Variants in CNTN4 observed in about 807,000 individuals in gnomAD.
CNTN4 encodes contactin 4, also known as contactin-4.
Under a neutral mutation model 122.5 loss-of-function variants are expected in CNTN4, and 77 were observed. The ratio of observed to expected loss-of-function variants is 0.63; its 90% confidence interval spans 0.52 to 0.76. The LOEUF is 0.76. CNTN4 is among the 30% of genes least tolerant of loss of function. CNTN4 has a pLI of 0.00. For missense variants in CNTN4, 1,256 were observed against 1,259.1 expected, an observed-to-expected ratio of 1.00 and a Z score of 0.04; for synonymous variants, 512 against 447.0, an observed-to-expected ratio of 1.15 and a Z score of -1.83.
intron 2 of CNTN4, among the ~76,000 whole-genome samples, chr3:2,268,905 TTA>T (rs1559396395): frequency 6.6e-6 from 1 of 152,128 alleles, no homozygotes; most frequent in Non-Finnish European, 1.5e-5. Context: ...CTCCTCCTTT[TTA>T]TATATGTGGG....
At chr3:2,501,928 A>C (rs752165059) in intron 3 of CNTN4, among the ~76,000 whole-genome samples, 1 of 152,184 alleles carries the variant, frequency 6.6e-6, no homozygotes, top group Non-Finnish European at 1.5e-5. Flanking sequence ...CAGTGTACAC[A>C]AACTTCATTT....
At chr3:2,486,567 C>T (rs925139629) in intron 3 of CNTN4, among the ~76,000 whole-genome samples, 7 of 152,124 alleles carry the variant, frequency 4.6e-5, no homozygotes, top group Admixed American at 4.6e-4. Flanking sequence ...TACTGTGTTA[C>T]CCCCCGGATT....
intron 2 of CNTN4, among the ~76,000 whole-genome samples, chr3:2,328,705 A>T (rs2043582422): frequency 6.6e-6 from 1 of 152,184 alleles, no homozygotes; most frequent in African/African-American, 2.4e-5. Flanking sequence ...GTTAAAATAC[A>T]GTATAAAATC....
At chr3:2,821,823 T>C (rs1480576491) in intron 7 of CNTN4, among the ~76,000 whole-genome samples, 3 of 152,234 alleles carry the variant, frequency 2.0e-5, no homozygotes, top group Non-Finnish European at 4.4e-5. Context: ...CAATATCTGC[T>C]ATTCTTGTTA....
chr3:2,437,103 C>CT (rs1242988405), intron 3 of CNTN4, among the ~76,000 whole-genome samples: 1 of 152,044 alleles, frequency 6.6e-6, no homozygotes, highest in East Asian at 1.9e-4. Context: ...TCATCTTGAA[C>CT]TTTTTTTCTG....
chr3:2,294,645 CA>C (rs1458198846), intron 2 of CNTN4, among the ~76,000 whole-genome samples: 1 of 151,764 alleles, frequency 6.6e-6, no homozygotes, highest in Non-Finnish European at 1.5e-5. Context: ...ACAACAACAA[CA>C]AAAAAGAATA....
At chr3:2,523,367 A>AC (rs1014755847) in intron 3 of CNTN4, among the ~76,000 whole-genome samples, 5 of 143,258 alleles carry the variant, frequency 3.5e-5, no homozygotes, top group Non-Finnish European at 6.3e-5. Flanking sequence ...AAAAAAAAAA[A>AC]AAAAACAAAA....
At chr3:2,346,290 C>T (rs550873747) in intron 3 of CNTN4, among the ~76,000 whole-genome samples, 14 of 152,142 alleles carry the variant, frequency 9.2e-5, no homozygotes, top group Non-Finnish European at 1.8e-4. Flanking sequence ...CCAAATAAAA[C>T]CTAAAATTCT....
chr3:2,227,472 A>G (rs1235876069), intron 2 of CNTN4, among the ~76,000 whole-genome samples: 2 of 152,284 alleles, frequency 1.3e-5, no homozygotes, highest in Admixed American at 6.5e-5. Context: ...CATTAAAAGC[A>G]TAAGGTATGA....
intron 2 of CNTN4, among the ~76,000 whole-genome samples, chr3:2,266,794 A>T (rs2041068567): frequency 6.6e-6 from 1 of 152,124 alleles, no homozygotes; most frequent in Non-Finnish European, 1.5e-5. Context: ...GGAAGGTGAC[A>T]GTCAACAGCA....
chr3:2,252,794 C>A (rs2040427120), intron 2 of CNTN4, among the ~76,000 whole-genome samples: 1 of 152,044 alleles, frequency 6.6e-6, no homozygotes, highest in African/African-American at 2.4e-5. Flanking sequence ...ACATTTGGTT[C>A]TTTCTGAAAT....
At chr3:2,857,257 C>G (rs1215160697) in intron 7 of CNTN4, among the ~76,000 whole-genome samples, 1 of 152,192 alleles carries the variant, frequency 6.6e-6, no homozygotes. Context: ...GGGCATTGAA[C>G]TTTGATAGTT....
At chr3:2,478,803 T>C (rs576383347) in intron 3 of CNTN4, among the ~76,000 whole-genome samples, 52 of 152,334 alleles carry the variant, frequency 3.4e-4, no homozygotes, top group Admixed American at 2.9e-3. Flanking sequence ...ATGGTGTATA[T>C]ATACCACATT....
At chr3:2,701,390 CA>C (rs748280022) in intron 4 of CNTN4, among the ~76,000 whole-genome samples, 36 of 152,146 alleles carry the variant, frequency 2.4e-4, no homozygotes, top group South Asian at 6.2e-4. Flanking sequence ...AGGGAGAAGA[CA>C]TAAGTGAGGA....
intron 2 of CNTN4, among the ~76,000 whole-genome samples, chr3:2,126,587 G>C (rs2034182498): frequency 6.6e-6 from 1 of 152,186 alleles, no homozygotes; most frequent in Non-Finnish European, 1.5e-5. Context: ...CCCTGTGCTT[G>C]ATGGTGTTAG....
At chr3:2,755,595 G>A (rs1170544724) in intron 6 of CNTN4, among the ~76,000 whole-genome samples, 1 of 152,130 alleles carries the variant, frequency 6.6e-6, no homozygotes, top group African/African-American at 2.4e-5. Flanking sequence ...TAAATCTTAG[G>A]AGCTATTAAA....
intron 6 of CNTN4, among the ~76,000 whole-genome samples, chr3:2,747,476 AT>A (rs956656127): frequency 1.8e-4 from 6 of 33,134 alleles, no homozygotes; most frequent in Non-Finnish European, 1.2e-3. Context: ...GACAGCTTAC[AT>A]TTAAAAAAAA....
chr3:2,518,599 C>G (rs144027170), intron 3 of CNTN4, among the ~76,000 whole-genome samples: 2 of 152,106 alleles, frequency 1.3e-5, no homozygotes, highest in African/African-American at 4.8e-5. Flanking sequence ...GTTTGATAAT[C>G]TCAGAGTACT....
chr3:2,436,004 C>A (rs558720139), intron 3 of CNTN4, among the ~76,000 whole-genome samples: 1 of 152,252 alleles, frequency 6.6e-6, no homozygotes, highest in African/African-American at 2.4e-5. Context: ...CTATTAGAGG[C>A]AAAAGCTAGA....
Sources: allele counts gnomAD v4.1 joint callset (sites outside exome capture counted in the v4.1 genomes callset), GRCh38; gene constraint gnomAD v4.1.1; transcripts MANE v1.5; gene names NCBI Gene and HGNC (gene_info 2026-07-23, HGNC 2026-07-21).